The following THEMIS variants were observed in gnomAD, a reference collection of about 807,000 sequenced individuals.
THEMIS encodes protein THEMIS.
A neutral mutation model predicts 52.6 loss-of-function variants in THEMIS; 37 were observed. The observed-to-expected ratio is 0.70, with a 90% CI of 0.54 to 0.93. The LOEUF is 0.93. Ranked by LOEUF, THEMIS falls within the 40% of genes least tolerant of loss-of-function variation. The pLI is 0.00. For missense variants in THEMIS, 808 were observed against 763.1 expected (o/e 1.06, Z -0.69); for synonymous variants, 292 against 272.7 (o/e 1.07, Z -0.70).
At chr6:127,873,474 C>T (rs1780217536) in intron 1 of THEMIS, among the ~76,000 whole-genome samples, 1 of 152,110 alleles carries the variant, frequency 6.6e-6, no homozygotes, top group Non-Finnish European at 1.5e-5. Context: ...AATGTACTCC[C>T]CCAAAAACAG....
intron 4 of THEMIS, among the ~76,000 whole-genome samples, chr6:127,721,505 G>A: frequency 6.6e-6 from 1 of 151,974 alleles, no homozygotes; most frequent in East Asian, 1.9e-4. Flanking sequence ...TAAGTCATTT[G>A]TAGATATTTC....
intron 4 of THEMIS, among the ~76,000 whole-genome samples, chr6:127,784,312 C>T (rs1171056386): frequency 6.6e-6 from 1 of 152,010 alleles, no homozygotes; most frequent in African/African-American, 2.4e-5. Context: ...TGCAGCAGAT[C>T]ACTATGACAC....
At chr6:127,850,113 T>C (rs1303632346) in intron 2 of THEMIS, among the ~76,000 whole-genome samples, 1 of 151,908 alleles carries the variant, frequency 6.6e-6, no homozygotes, top group Non-Finnish European at 1.5e-5. Context: ...ACTATACACA[T>C]ATGAACAACA....
chr6:127,752,295 G>C (rs1775670401), intron 4 of THEMIS, among the ~76,000 whole-genome samples: 2 of 148,306 alleles, frequency 1.3e-5, no homozygotes, highest in African/African-American at 4.9e-5. Context: ...ACAGAGGGGA[G>C]GAAATGAATT....
At position 127,913,162 on chromosome 6, in the gene THEMIS, G is replaced by C. The variant is rs541877448; in HGVS notation, c.-150+5266C>G. On this transcript the variant is annotated intron_variant, in intron 1 of 6. Transcript: ENST00000368250. ...ATTGGACATGAAATGCCTGGACATAGAGCAGAGCATCAAGTAATCCCTCAT... is the reference window on the plus strand; with the variant it reads ...ATTGGACATGAAATGCCTGGACATACAGCAGAGCATCAAGTAATCCCTCAT... Among the ~76,000 whole-genome samples the C allele has an allele frequency of 2.6e-5, 4 of 152,210 alleles. No individual in the cohort carries two copies. The South Asian group carries it at 8.3e-4, about 32-fold the overall frequency.
At chr6:127,914,333 T>A (rs112887790) in intron 1 of THEMIS, among the ~76,000 whole-genome samples, 2,673 of 152,194 alleles carry the variant, frequency 0.018, 85 homozygotes, top group African/African-American at 0.06. Flanking sequence ...AAAAACATAG[T>A]TTTTCTTTTT....
chr6:127,899,709 CT>C (rs976379966), intron 1 of THEMIS, among the ~76,000 whole-genome samples: 14 of 151,320 alleles, frequency 9.3e-5, no homozygotes, highest in African/African-American at 3.4e-4. Flanking sequence ...TACGTAAAGC[CT>C]AAAAAACACA....
intron 1 of THEMIS, among the ~76,000 whole-genome samples, chr6:127,887,957 G>C (rs1312953724): frequency 6.6e-6 from 1 of 152,102 alleles, no homozygotes; most frequent in African/African-American, 2.4e-5. Flanking sequence ...AGAGGAAAAT[G>C]AAGACCGGAA....
At chr6:127,763,788 G>T (rs1180005492) in intron 4 of THEMIS, among the ~76,000 whole-genome samples, 6 of 151,768 alleles carry the variant, frequency 4.0e-5, no homozygotes, top group Non-Finnish European at 8.8e-5. Flanking sequence ...ATTTTACATT[G>T]ATTACATGTA....
rs576077454 is a variant in THEMIS at position 127,867,227 on chromosome 6, A to G, written c.92-12039T>C. On this transcript the variant is annotated intron_variant, in intron 1 of 5. Coordinates refer to ENST00000368248, the MANE Select transcript of THEMIS (RefSeq NM_001010923.3). ...CAACTGATATGTTTGATTATTTGGG[A>G]TACAAAGTAGTAGATAGAAGAGTTG... Among the ~76,000 whole-genome samples the G allele has an allele frequency of 3.3e-5, 5 of 152,196 alleles. No individual in the cohort carries two copies. In the East Asian group the frequency reaches 9.7e-4, roughly 29 times the overall value.
chr6:127,751,390 T>C (rs1006892412), intron 4 of THEMIS, among the ~76,000 whole-genome samples: 3 of 151,528 alleles, frequency 2.0e-5, no homozygotes, highest in East Asian at 1.9e-4. Context: ...AAGGAAAGCA[T>C]CTTACTATAA....
intron 5 of THEMIS, among the ~76,000 whole-genome samples, chr6:127,715,879 A>G (rs1484399998): frequency 6.6e-6 from 1 of 151,880 alleles, no homozygotes; most frequent in Non-Finnish European, 1.5e-5. Context: ...TATCTGGTAT[A>G]CCCACTATTT....
At chr6:127,748,969 T>A (rs1393460308) in intron 4 of THEMIS, among the ~76,000 whole-genome samples, 1 of 152,082 alleles carries the variant, frequency 6.6e-6, no homozygotes, top group Non-Finnish European at 1.5e-5. Context: ...GATTAGACAG[T>A]GTGTCAGGAA....
intron 4 of THEMIS, among the ~76,000 whole-genome samples, chr6:127,809,259 G>A (rs1777820415): frequency 1.3e-5 from 2 of 152,152 alleles, no homozygotes; most frequent in African/African-American, 2.4e-5. Flanking sequence ...TATAAAAAAT[G>A]TTCTTCAAAA....
chr6:127,848,233 G>A (rs1054289251), intron 2 of THEMIS, among the ~76,000 whole-genome samples: 2 of 151,690 alleles, frequency 1.3e-5, no homozygotes, highest in African/African-American at 2.4e-5. Context: ...CTTCATCCAT[G>A]TCCCTACAAA....
chr6:127,800,516 T>C (rs1777496282), intron 4 of THEMIS, among the ~76,000 whole-genome samples: 1 of 152,236 alleles, frequency 6.6e-6, no homozygotes, highest in Non-Finnish European at 1.5e-5. Context: ...ACCTTGCTTC[T>C]GTAAAACCAT....
chr6:127,702,539 G>A, the THEMIS span, among the ~76,000 whole-genome samples: 3,256 of 150,424 alleles, frequency 0.022, 116 homozygotes, highest in African/African-American at 0.075. Context: ...CCACTGTCCT[G>A]TCTTTTCTTG....
intron 4 of THEMIS, among the ~76,000 whole-genome samples, chr6:127,758,207 A>G (rs1031442955): frequency 2.0e-5 from 3 of 150,868 alleles, no homozygotes; most frequent in African/African-American, 7.3e-5. Flanking sequence ...ACAAATATCA[A>G]ATCATAAGAT....
At chr6:127,730,311 GAA>G (rs1172613217) in intron 4 of THEMIS, among the ~76,000 whole-genome samples, 1 of 119,798 alleles carries the variant, frequency 8.3e-6, no homozygotes, top group South Asian at 2.7e-4. Context: ...GAAAAGAAAA[GAA>G]AAGAGAAAAA....
Sources: gnomAD v4.1 joint callset for allele counts (sites outside exome capture counted in the v4.1 genomes callset) on GRCh38, gnomAD v4.1.1 for gene constraint, MANE v1.5 for transcripts, NCBI Gene and HGNC (gene_info 2026-07-23, HGNC 2026-07-21) for gene names.